The following GRK7 variants were observed in gnomAD, a reference collection of about 807,000 sequenced individuals.
GRK7 encodes G protein-coupled receptor kinase 7.
In GRK7, 24 loss-of-function variants were observed where a neutral mutation model predicts 34.1. That is an observed-to-expected ratio of 0.70 (90% CI 0.51 to 0.99). GRK7 has a LOEUF of 0.99. GRK7 is among the 50% of genes least tolerant of loss of function. The probability of loss-of-function intolerance (pLI) is 0.00; values close to 1 mark genes in which losing one functional copy is unlikely to be tolerated. For missense variants in GRK7, 644 were observed against 707.3 expected (o/e 0.91, Z 1.02); for synonymous variants, 256 against 279.4 (o/e 0.92, Z 0.84).
chr3:141,809,380 G>A (rs1451694495), intron 5 of GRK7, among the ~76,000 whole-genome samples: 1 of 152,010 alleles, frequency 6.6e-6, no homozygotes, highest in Non-Finnish European at 1.5e-5. Flanking sequence ...AAGTTTCATT[G>A]TTTATGATAG....
In GRK7 at chr3:141,778,728, G is replaced by A. The variant is rs150445233; in HGVS notation, c.444G>A (p.Thr148=). The change falls in exon 3 of 6, where the codon ACG becomes ACA. Residue 148 remains threonine, a synonymous_variant. Transcript: ENST00000682958. This position sits in a 1 kb window ranked among gnomAD's most constrained non-coding sequence, Gnocchi z 4.1. Reference sequence around the variant, plus strand: ...AGGAAGAGCGAGTGGCTGCAGTGACGCTGGCCAAGGCTGAGGCCATGGCTT... The same window carrying A: ...AGGAAGAGCGAGTGGCTGCAGTGACACTGGCCAAGGCTGAGGCCATGGCTT... ...TTEEERVAAV[T]LAKAEAMAFL... The A allele has an allele frequency of 1.6e-5, 26 of 1,610,926 alleles. No individual in the cohort carries two copies. Among genetic ancestry groups the A allele is most frequent in the Non-Finnish European group, 2.1e-5 (25 of 1,178,144 alleles).
intron 4 of GRK7, among the ~76,000 whole-genome samples, chr3:141,782,443 T>C (rs998706914): frequency 3.9e-5 from 6 of 152,236 alleles, no homozygotes; most frequent in Middle Eastern, 3.4e-3. Flanking sequence ...GATTATGCTG[T>C]CTATGAGGTT....
At chr3:141,771,465 A>T (rs2084616555) in intron 1 of GRK7, among the ~76,000 whole-genome samples, 2 of 135,204 alleles carry the variant, frequency 1.5e-5, no homozygotes, top group Non-Finnish European at 3.2e-5. Context: ...GAGGGTAAGA[A>T]GGTGGGAGCA....
In GRK7 at chr3:141,817,998, A is replaced by G. The variant is rs1217160551; in HGVS notation, c.*948A>G. ...TTTGGTTGCTCAAAACTTCAATCAT[A>G]CATTTTGATGGCAACTTTTCAAATG... On this transcript the variant is annotated 3_prime_UTR_variant, in exon 6 of 6. Transcript: ENST00000682958. The G allele has an allele frequency of 6.6e-6, 1 of 152,242 alleles. No individual in the cohort carries two copies. The highest frequency in any genetic ancestry group is 1.5e-5 in the Non-Finnish European group (1 of 68,048). The allele number at this position is 152,242 out of a possible 1,614,324, so 9.4% of individuals were successfully genotyped here.
chr3:141,815,226 G>GTTTT (rs758074179), intron 5 of GRK7, among the ~76,000 whole-genome samples: 15 of 104,254 alleles, frequency 1.4e-4, no homozygotes, highest in African/African-American at 5.7e-4. Flanking sequence ...TGTCTGGTTG[G>GTTTT]TTTTTTTTGT....
chr3:141,762,369 C>G (rs1345414654), upstream of GRK7, among the ~76,000 whole-genome samples: 3 of 146,090 alleles, frequency 2.1e-5, no homozygotes, highest in African/African-American at 7.6e-5. Context: ...TTGGAATACC[C>G]TGCCGTGTGA....
At chr3:141,782,722 G>C (rs986152549) in intron 4 of GRK7, among the ~76,000 whole-genome samples, 1 of 151,692 alleles carries the variant, frequency 6.6e-6, no homozygotes, top group Admixed American at 6.6e-5. Context: ...GGAGAATGAC[G>C]TCAACCCAGG....
rs149627012 is a variant in GRK7 at position 141,778,770 on chromosome 3, C to G, written c.486C>G (p.Pro162=). 2.8e-5 allele frequency: 45 copies of G among 1,608,302 alleles called. No individual in the cohort carries two copies. In the African/African-American group the frequency reaches 5.6e-4, roughly 20 times the overall value. ...AEAMAFLQEQ[P]FKDFVTSAFY... ...CCATGGCTTTCTTGCAAGAGCAGCC[C>G]TTTAAGGATTTCGTGACCAGCGCCT... Residue 162 remains proline (P), a synonymous_variant, in exon 3 of 6, where the codon CCC becomes CCG. Transcript: ENST00000682958. The surrounding 1 kb of genome is among the most constrained non-coding windows in gnomAD (Gnocchi z 4.1).
intron 4 of GRK7, among the ~76,000 whole-genome samples, chr3:141,801,875 A>T (rs147250091): frequency 3.6e-4 from 55 of 152,278 alleles, no homozygotes; most frequent in African/African-American, 1.3e-3. Flanking sequence ...TATATATTTG[A>T]AGTTTCCCAT....
chr3:141,784,192 C>T (rs527764567), intron 4 of GRK7, among the ~76,000 whole-genome samples: 1 of 152,270 alleles, frequency 6.6e-6, no homozygotes, highest in South Asian at 2.1e-4. Flanking sequence ...CCTTGGCTCC[C>T]GGGTGCAGCT....
In GRK7 at chr3:141,807,632, T is replaced by A; in HGVS notation, c.1051-13T>A. The A allele has an allele frequency of 6.2e-7, 1 of 1,611,602 alleles. No individual in the cohort carries two copies. Among genetic ancestry groups the A allele is most frequent in the South Asian group, 1.1e-5 (1 of 90,914 alleles). The stretch of plus-strand genomic sequence containing the variant: ...GTTCTGTGTTGTCTTGTTTTTTGTT[T>A]GGGATGTTACAGGCTGGAACCAATG... On this transcript the variant is annotated splice_polypyrimidine_tract_variant and intron_variant, in intron 4 of 5. Coordinates refer to ENST00000682958, the MANE Select transcript of GRK7 (RefSeq NM_139209.3).
chr3:141,762,198 T>G (rs1265449045), upstream of GRK7, among the ~76,000 whole-genome samples: 1 of 151,448 alleles, frequency 6.6e-6, no homozygotes, highest in Non-Finnish European at 1.5e-5. Flanking sequence ...CGCTCTGCGT[T>G]TTAGAGTTTC....
At chr3:141,760,555 T>C (rs1374531269), upstream of GRK7, among the ~76,000 whole-genome samples, 2 of 142,972 alleles carry the variant, frequency 1.4e-5, no homozygotes, top group Non-Finnish European at 3.1e-5. Flanking sequence ...AATTTTGGAA[T>C]AGGTGTGGTG....
At chr3:141,753,948 C>T in the GRK7 span, among the ~76,000 whole-genome samples, 292 of 152,340 alleles carry the variant, frequency 1.9e-3, no homozygotes, top group South Asian at 0.019. Flanking sequence ...CCCTTCTGCT[C>T]ATGCAGAAGT....
rs1301337715 is a variant in GRK7 at position 141,807,667 on chromosome 3, C to T, written c.1073C>T (p.Ala358Val). Residue 358 changes from alanine to valine, a missense_variant, in exon 5 of 6, where the codon GCT becomes GTT. Physicochemically the swap from Ala to Val is moderately conservative, Grantham distance 64. Transcript: ENST00000682958. The stretch of plus-strand genomic sequence containing the variant: ...CAGGCTGGAACCAATGGTTACATGG[C>T]TCCTGAGATCCTAATGGAAAAGGTA... ...TQRAGTNGYM[A>V]PEILMEKVSY... 3.1e-6 allele frequency: 5 copies of T among 1,613,858 alleles called. No individual in the cohort carries two copies. In the African/African-American group the frequency reaches 6.7e-5, roughly 22 times the overall value.
intron 4 of GRK7, among the ~76,000 whole-genome samples, chr3:141,787,810 C>A (rs2107882610): frequency 6.7e-6 from 1 of 149,068 alleles, no homozygotes. Context: ...AAGTTTGAGA[C>A]CAGTCTAGGC....
the GRK7 span, among the ~76,000 whole-genome samples, chr3:141,751,121 G>T: frequency 1.3e-5 from 2 of 152,170 alleles, no homozygotes; most frequent in Non-Finnish European, 2.9e-5. Context: ...TTCAGCACAG[G>T]TGAAATGTTC....
intron 5 of GRK7, among the ~76,000 whole-genome samples, chr3:141,808,922 C>G (rs1711063909): frequency 6.6e-6 from 1 of 152,038 alleles, no homozygotes. Context: ...GTGGCTCACA[C>G]TGTGAGCCAG....
intron 5 of GRK7, among the ~76,000 whole-genome samples, chr3:141,815,663 T>G (rs1711144343): frequency 8.7e-6 from 1 of 115,312 alleles, no homozygotes; most frequent in South Asian, 3.4e-4. Context: ...CTTCTAAGAT[T>G]AGGTTATTAA....
Sources: gnomAD v4.1 joint callset for allele counts (sites outside exome capture counted in the v4.1 genomes callset) on GRCh38, gnomAD v4.1.1 for gene constraint, Gnocchi (gnomAD v3.1) non-coding constraint, MANE v1.5 for transcripts, NCBI Gene and HGNC (gene_info 2026-07-23, HGNC 2026-07-21) for gene names.